KIAA1958: variants seen among roughly 807,000 people sequenced by gnomAD.
KIAA1958 encodes the protein uncharacterized protein KIAA1958.
A neutral mutation model predicts 47.2 loss-of-function variants in KIAA1958; 14 were observed. That is an observed-to-expected ratio of 0.30 (90% CI 0.20 to 0.46). The LOEUF (loss-of-function observed/expected upper bound fraction) is 0.46. Among genes scored for constraint, KIAA1958 ranks in the 20% least tolerant of loss-of-function variants. The pLI is 1.00. For synonymous variants in KIAA1958, 354 were observed against 353.3 expected (o/e 1.00, Z -0.02); for missense variants, 803 against 909.2 (o/e 0.88, Z 1.50).
intron 1 of KIAA1958, among the ~76,000 whole-genome samples, chr9:112,504,796 A>G (rs73543746): frequency 1.4e-3 from 217 of 152,316 alleles, no homozygotes; most frequent in African/African-American, 4.9e-3. Context: ...GTGTGTCTAT[A>G]TGTATATATG....
At chr9:112,585,572 A>G (rs758738666) in intron 2 of KIAA1958, among the ~76,000 whole-genome samples, 7 of 152,166 alleles carry the variant, frequency 4.6e-5, no homozygotes, top group Non-Finnish European at 1.0e-4. Flanking sequence ...TCACGCTGAT[A>G]GTATTGGGGA....
chr9:112,494,071 C>G (rs1834013875), intron 1 of KIAA1958, among the ~76,000 whole-genome samples: 1 of 152,212 alleles, frequency 6.6e-6, no homozygotes, highest in African/African-American at 2.4e-5. Flanking sequence ...TTTGCTGAGT[C>G]ATATTCTATT....
intron 1 of KIAA1958, among the ~76,000 whole-genome samples, chr9:112,552,389 C>T (rs187970194): frequency 3.2e-4 from 49 of 152,228 alleles, no homozygotes; most frequent in African/African-American, 8.7e-4. Flanking sequence ...CAGCTTACAC[C>T]GTGTTCATAG....
chr9:112,576,257 G>T (rs1835643654), intron 2 of KIAA1958, among the ~76,000 whole-genome samples: 1 of 152,082 alleles, frequency 6.6e-6, no homozygotes, highest in Non-Finnish European at 1.5e-5. Flanking sequence ...CATAGTCATG[G>T]TGTTATTAAG....
chr9:112,555,899 AC>A (rs201999747), intron 1 of KIAA1958, among the ~76,000 whole-genome samples: 16,785 of 152,074 alleles, frequency 0.11, 1,370 homozygotes, highest in East Asian at 0.19. Flanking sequence ...ACATGGTAAA[AC>A]CCCGTCTCTA....
At chr9:112,639,854 G>A (rs914003480) in intron 2 of KIAA1958, among the ~76,000 whole-genome samples, 1 of 152,012 alleles carries the variant, frequency 6.6e-6, no homozygotes, top group African/African-American at 2.4e-5. Context: ...AACTTTAAAA[G>A]TGCATAGTTC....
chr9:112,539,800 C>T (rs1834911235), intron 1 of KIAA1958, among the ~76,000 whole-genome samples: 1 of 152,086 alleles, frequency 6.6e-6, no homozygotes, highest in East Asian at 1.9e-4. Flanking sequence ...AAGTGATTCT[C>T]CTGCCTCAAC....
chr9:112,585,210 A>T (rs1474927124), intron 2 of KIAA1958, among the ~76,000 whole-genome samples: 2 of 152,200 alleles, frequency 1.3e-5, no homozygotes. Context: ...TAAAAAGAAG[A>T]ATATTAAATT....
intron 2 of KIAA1958, among the ~76,000 whole-genome samples, chr9:112,641,417 G>C (rs1371352100): frequency 8.0e-6 from 1 of 125,288 alleles, no homozygotes; most frequent in Non-Finnish European, 1.7e-5. Context: ...CCTCTTGGTG[G>C]CTTTTTTTTT....
intron 1 of KIAA1958, among the ~76,000 whole-genome samples, chr9:112,518,435 C>T (rs1834476770): frequency 6.6e-6 from 1 of 152,112 alleles, no homozygotes; most frequent in Admixed American, 6.6e-5. Flanking sequence ...TCTCAAAATA[C>T]TTATGTTGGG....
At chr9:112,557,890 C>A (rs1835269254) in intron 1 of KIAA1958, among the ~76,000 whole-genome samples, 1 of 152,036 alleles carries the variant, frequency 6.6e-6, no homozygotes, top group African/African-American at 2.4e-5. Context: ...TACCTAATAT[C>A]ATATTTAATA....
At position 112,662,996 on chromosome 9, in the gene KIAA1958, A is replaced by G. The variant is rs1393092874; in HGVS notation, c.*2927A>G. 1.3e-5 allele frequency: 2 copies of G among 152,206 alleles called. No individual in the cohort carries two copies. Among genetic ancestry groups the G allele is most frequent in the East Asian group, 3.9e-4 (2 of 5,190 alleles). 9.4% of individuals were successfully genotyped at this position (152,206 alleles called of 1,614,324 possible). ...TAATGCAAGAGAAAGGAGAATCCCC[A>G]GAGAAAGAAGTGGGGAGGTAAAGAG... On this transcript the variant is annotated 3_prime_UTR_variant, in exon 4 of 4. Coordinates refer to ENST00000337530, the MANE Select transcript of KIAA1958 (RefSeq NM_133465.4).
In KIAA1958 at chr9:112,574,652, T is replaced by C; in HGVS notation, c.572T>C (p.Val191Ala). 1 of 1,614,126 alleles carries C rather than the reference T, an allele frequency of 6.2e-7. No homozygotes were observed. The highest frequency in any genetic ancestry group is 8.5e-7 in the Non-Finnish European group (1 of 1,180,008). ...CATTCAAGCTCCCAGACGCAGATGG[T>C]TGACGAATGCAGCAATGATGTCATC... ...SLHSSSQTQMVDECSNDVIIK... is the reference protein window; with the variant it reads ...SLHSSSQTQMADECSNDVIIK... The change falls in exon 2 of 4, where the codon GTT (valine) becomes GCT (alanine). Residue 191 changes from valine (V) to alanine (A), a missense_variant. Around this residue, in one of 2 missense-constraint regions of KIAA1958, gnomAD observed 761 missense variants for 829.3 expected, o/e 0.92. Coordinates refer to ENST00000337530, the MANE Select transcript of KIAA1958 (RefSeq NM_133465.4).
intron 2 of KIAA1958, among the ~76,000 whole-genome samples, chr9:112,581,294 A>G (rs1835729913): frequency 6.6e-6 from 1 of 152,242 alleles, no homozygotes; most frequent in Non-Finnish European, 1.5e-5. Flanking sequence ...ATAAACATTC[A>G]ATAAATGGAT....
At chr9:112,608,630 A>G (rs912076720) in intron 2 of KIAA1958, among the ~76,000 whole-genome samples, 1 of 152,160 alleles carries the variant, frequency 6.6e-6, no homozygotes, top group African/African-American at 2.4e-5. Flanking sequence ...TCTATACCAA[A>G]AATGCAAAAA....
intron 2 of KIAA1958, among the ~76,000 whole-genome samples, chr9:112,630,367 G>C (rs570777165): frequency 6.6e-6 from 1 of 152,126 alleles, no homozygotes; most frequent in East Asian, 1.9e-4. Flanking sequence ...AGCTGCGGCC[G>C]GGCACAGTGG....
chr9:112,525,824 G>C (rs1272463301), intron 1 of KIAA1958, among the ~76,000 whole-genome samples: 1 of 150,788 alleles, frequency 6.6e-6, no homozygotes. Flanking sequence ...TACTGAATCT[G>C]GGTGAGCATA....
chr9:112,586,442 C>T (rs1428435485), intron 2 of KIAA1958, among the ~76,000 whole-genome samples: 1 of 152,096 alleles, frequency 6.6e-6, no homozygotes, highest in Non-Finnish European at 1.5e-5. Context: ...AGTAGAAAGG[C>T]AGATTGCTCT....
At chr9:112,538,615 G>A (rs1834892986) in intron 1 of KIAA1958, among the ~76,000 whole-genome samples, 1 of 152,120 alleles carries the variant, frequency 6.6e-6, no homozygotes, top group South Asian at 2.1e-4. Context: ...GATCATGTAT[G>A]AACCAAATAG....
Sources: gnomAD v4.1 joint callset for allele counts (sites outside exome capture counted in the v4.1 genomes callset) on GRCh38, gnomAD v4.1.1 for gene constraint, gnomAD v4.1.1 regional missense constraint, MANE v1.5 for transcripts, NCBI Gene and HGNC (gene_info 2026-07-23, HGNC 2026-07-21) for gene names.